ZBTB40: variants seen among roughly 807,000 people sequenced by gnomAD.
ZBTB40 encodes the protein zinc finger and BTB domain containing 40.
A neutral mutation model predicts 117.5 loss-of-function variants in ZBTB40; 60 were observed. The ratio of observed to expected loss-of-function variants is 0.51; its 90% CI spans 0.41 to 0.63. ZBTB40 has a LOEUF of 0.63. ZBTB40 is among the 30% of genes least tolerant of loss of function. The pLI, the probability that ZBTB40 is intolerant of heterozygous loss-of-function variation, is 0.00. For missense variants in ZBTB40, 1,287 were observed against 1,498.5 expected, an observed-to-expected ratio of 0.86 and a Z score of 2.33; for synonymous variants, 525 against 577.1, an observed-to-expected ratio of 0.91 and a Z score of 1.29.
At chr1:22,443,702 C>T (rs1640758508) in intron 1 of ZBTB40, among the ~76,000 whole-genome samples, 1 of 152,152 alleles carries the variant, frequency 6.6e-6, no homozygotes, top group African/African-American at 2.4e-5. Flanking sequence ...AAATTTCCCC[C>T]GCAAGAGACG....
intron 1 of ZBTB40, among the ~76,000 whole-genome samples, chr1:22,466,793 A>G (rs972952186): frequency 4.0e-5 from 6 of 151,500 alleles, no homozygotes; most frequent in African/African-American, 9.7e-5. Context: ...GGTACACTAT[A>G]TGTATTCTGA....
chr1:22,516,379 A>C (rs1213755032), intron 12 of ZBTB40, among the ~76,000 whole-genome samples: 1 of 152,180 alleles, frequency 6.6e-6, no homozygotes, highest in Non-Finnish European at 1.5e-5. Context: ...GGAGTTGGAC[A>C]TATGGGTCTG....
rs1157264115 is a variant in ZBTB40 at position 22,527,104 on chromosome 1, G to A, written c.*708G>A. On this transcript the variant is annotated 3_prime_UTR_variant, in exon 18 of 18. Transcript: ENST00000375647. ...TGGAAGTGTTTAATGTGAGGCATCA[G>A]CTGCTAGACAGTGTCTGCCTTTCCA... 6.5e-6 allele frequency: 1 copy of A among 153,794 alleles called. No homozygotes were observed. Among genetic ancestry groups the A allele is most frequent in the Non-Finnish European group, 1.4e-5 (1 of 69,082 alleles). The allele number at this position is 153,794 out of a possible 1,614,324, so 9.5% of individuals were successfully genotyped here.
intron 1 of ZBTB40, among the ~76,000 whole-genome samples, chr1:22,440,734 T>C (rs1366769523): frequency 1.3e-5 from 2 of 152,158 alleles, no homozygotes. Flanking sequence ...TCAACTGAGA[T>C]AATCATGTGG....
At chr1:22,452,861 G>C (rs1008597641) in intron 1 of ZBTB40, 1 of 152,222 alleles carries the variant, frequency 6.6e-6, no homozygotes, top group Non-Finnish European at 1.5e-5. Context: ...AATAGCGTTG[G>C]TACCATGCAG....
At chr1:22,520,457 T>G (rs768797702) in intron 14 of ZBTB40, among the ~76,000 whole-genome samples, 182 bp downstream of exon 14, 8 of 152,152 alleles carry the variant, frequency 5.3e-5, no homozygotes, top group Non-Finnish European at 1.0e-4. Context: ...CTGGTCGGAG[T>G]GCTGCAGTGG....
At chr1:22,431,908 A>G (rs1640596215) in intron 1 of ZBTB40, among the ~76,000 whole-genome samples, 1 of 152,144 alleles carries the variant, frequency 6.6e-6, no homozygotes, top group Non-Finnish European at 1.5e-5. Context: ...ATGAAATGGT[A>G]TACAATGAAA....
chr1:22,503,906 T>G (rs934328103), intron 5 of ZBTB40, among the ~76,000 whole-genome samples: 4 of 152,254 alleles, frequency 2.6e-5, no homozygotes, highest in African/African-American at 9.6e-5. Context: ...TTTGAACTGT[T>G]TCATTATCTT....
chr1:22,517,447 A>G lies in ZBTB40; in HGVS notation c.2816A>G (p.His939Arg). 1 of 1,613,978 alleles carries G rather than the reference A, an allele frequency of 6.2e-7. No individual in the cohort carries two copies. Among genetic ancestry groups the G allele is most frequent in the Non-Finnish European group, 8.5e-7 (1 of 1,179,994 alleles). Residue 939 changes from histidine (H) to arginine (R), a missense_variant, in exon 13 of 18, where the codon CAT becomes CGT. This residue lies in a region of ZBTB40 where 417 missense variants were observed against 564.1 expected (regional missense o/e 0.74). Transcript: ENST00000375647. The stretch of plus-strand genomic sequence containing the variant: ...CGGCAAGCCAATGGCCTCTCCATCC[A>G]TCTGCACACCTTTCACAGTATGTAG... ...GFRQANGLSIHLHTFHNIEDP... is the reference protein window; with the variant it reads ...GFRQANGLSIRLHTFHNIEDP...
At chr1:22,453,344 C>A (rs1169343412) in intron 1 of ZBTB40, among the ~76,000 whole-genome samples, 1 of 152,192 alleles carries the variant, frequency 6.6e-6, no homozygotes, top group Non-Finnish European at 1.5e-5. Flanking sequence ...TGTACGCATG[C>A]ATTCATTAAT....
At chr1:22,459,130 A>G (rs975801577) in intron 1 of ZBTB40, among the ~76,000 whole-genome samples, 1 of 152,190 alleles carries the variant, frequency 6.6e-6, no homozygotes. Context: ...ACAGATTGCA[A>G]ATATATTTTT....
chr1:22,511,618 T>C (rs1639236753), intron 10 of ZBTB40, 58 bp from the exon 11 acceptor site: 2 of 1,579,334 alleles, frequency 1.3e-6, no homozygotes, highest in East Asian at 4.5e-5. Flanking sequence ...TTAGAAACGT[T>C]ATAAAGCAAA....
rs771885831 is a variant in ZBTB40 at position 22,512,910 on chromosome 1, C to G, written c.2462-14C>G. ...AGCATCTCTTCTGGCCTCTGGTGTG[C>G]TTGGCTTCCCTAGGCATGCAGTACC... On this transcript the variant is annotated splice_polypyrimidine_tract_variant and intron_variant, in intron 11 of 17. Transcript: ENST00000375647. The G allele has an allele frequency of 3.1e-6, 5 of 1,614,108 alleles. No homozygotes were observed. In the East Asian group the frequency reaches 1.1e-4, roughly 36 times the overall value.
chr1:22,481,719 A>G (rs138815340), intron 1 of ZBTB40, among the ~76,000 whole-genome samples: 127 of 147,578 alleles, frequency 8.6e-4, no homozygotes, highest in African/African-American at 3.0e-3. Context: ...ATGTTTAAAA[A>G]GATCTAATGT....
At chr1:22,454,395 C>G (rs1426340401) in intron 1 of ZBTB40, among the ~76,000 whole-genome samples, 1 of 152,124 alleles carries the variant, frequency 6.6e-6, no homozygotes, top group Non-Finnish European at 1.5e-5. Context: ...CAAAGTTATT[C>G]CAAATTGTGG....
chr1:22,499,148 T>G (rs183170841), intron 3 of ZBTB40, among the ~76,000 whole-genome samples: 1 of 152,352 alleles, frequency 6.6e-6, no homozygotes, highest in East Asian at 1.9e-4. Context: ...CTCTCATGGC[T>G]ATTGGCAGGC....
chr1:22,512,259 C>G lies in ZBTB40; in HGVS notation c.2461+125C>G, dbSNP rs924738315. 2.4e-5 allele frequency: 25 copies of G among 1,063,120 alleles called. No individual in the cohort carries two copies. In the South Asian group the frequency reaches 3.4e-4, roughly 14 times the overall value. The allele number at this position is 1,063,120 out of a possible 1,614,324, so 65.9% of individuals were successfully genotyped here. A position where few individuals can be genotyped will look rare whatever the true frequency, so the allele number is the denominator to read the frequency against. ...TGGGCTTAGAAAATAGAGCAGGTTCCTACAGAGGCAGGGTAATATTTTAAG... is the reference window on the plus strand; with the variant it reads ...TGGGCTTAGAAAATAGAGCAGGTTCGTACAGAGGCAGGGTAATATTTTAAG... On this transcript the variant is annotated intron_variant, in intron 11 of 17. Transcript: ENST00000375647.
chr1:22,501,888 G>A (rs114464304), intron 4 of ZBTB40, among the ~76,000 whole-genome samples: 121 of 152,292 alleles, frequency 7.9e-4, no homozygotes, highest in African/African-American at 2.6e-3. Context: ...TAACTAGTCT[G>A]ACACCTTGAA....
At position 22,521,508 on chromosome 1, in the gene ZBTB40, T is replaced by A; in HGVS notation, c.3061T>A (p.Leu1021Met). Residue 1021 changes from leucine (L) to methionine (M), a missense_variant, in exon 15 of 18, where the codon TTG becomes ATG. Transcript: ENST00000375647. ...AAATTCCTTGCAGCAATTGTCTGGT[T>A]TGTGGTACCACAATCGAACCCACCA... is the stretch of plus-strand genomic sequence containing the variant. ...CNKAYQQLSG[L>M]WYHNRTHHPD... The A allele has an allele frequency of 1.9e-6, 3 of 1,614,228 alleles. No individual in the cohort carries two copies. The highest frequency in any genetic ancestry group is 2.5e-6 in the Non-Finnish European group (3 of 1,180,044).
Sources: allele counts gnomAD v4.1 joint callset (sites outside exome capture counted in the v4.1 genomes callset), GRCh38; gene constraint gnomAD v4.1.1; regional missense constraint gnomAD v4.1.1; transcripts MANE v1.5; gene names NCBI Gene and HGNC (gene_info 2026-07-23, HGNC 2026-07-21).